The following NUP153 variants were observed in gnomAD, a reference collection of about 807,000 sequenced individuals.
NUP153 encodes the protein nuclear pore complex protein Nup153.
A neutral mutation model predicts 134.6 loss-of-function variants in NUP153; 27 were observed. The observed-to-expected ratio is 0.20, with a 90% confidence interval of 0.15 to 0.28. NUP153 has a LOEUF of 0.28. NUP153 is among the 10% of genes least tolerant of loss of function. NUP153 has a pLI of 1.00. For missense variants in NUP153, 1,821 were observed against 1,731.3 expected (o/e 1.05, Z -0.92); for synonymous variants, 640 against 623.5 (o/e 1.03, Z -0.40).
intron 1 of NUP153, among the ~76,000 whole-genome samples, chr6:17,701,282 C>T (rs1218051167): frequency 4.0e-5 from 6 of 151,442 alleles, no homozygotes. Flanking sequence ...ATAATCCCAG[C>T]ACTTTGAGAG....
chr6:17,640,427 A>T (rs1765778566), intron 14 of NUP153, among the ~76,000 whole-genome samples: 1 of 152,226 alleles, frequency 6.6e-6, no homozygotes, highest in Admixed American at 6.5e-5. Context: ...ACAATTTACA[A>T]AACTAATCAA....
Position 17,662,089 on chromosome 6 carries a change from C to A in NUP153, c.1216-19G>T, listed in dbSNP as rs754386049. ...ATCCAGTCTGCAGGGGAAATACACACATATTTACGTTTGCTTATTTGTTGT... is the reference window on the plus strand; with the variant it reads ...ATCCAGTCTGCAGGGGAAATACACAAATATTTACGTTTGCTTATTTGTTGT... On this transcript the variant is annotated intron_variant, in intron 9 of 21. Transcript: ENST00000262077. 40 of 1,605,966 alleles carry A rather than the reference C, an allele frequency of 2.5e-5. 1 individual carries two copies. In the South Asian group the frequency reaches 4.5e-4, roughly 18 times the overall value.
chr6:17,652,608 A>G (rs571843558), intron 11 of NUP153, among the ~76,000 whole-genome samples: 2 of 152,332 alleles, frequency 1.3e-5, no homozygotes, highest in Middle Eastern at 3.4e-3. Flanking sequence ...ACATCTGCCA[A>G]TCAAAAGATA....
intron 2 of NUP153, among the ~76,000 whole-genome samples, chr6:17,685,277 G>C (rs1192622049): frequency 1.3e-5 from 2 of 152,152 alleles, no homozygotes; most frequent in Non-Finnish European, 2.9e-5. Context: ...GTTGGGAGCG[G>C]TGGCTCACGC....
At chr6:17,639,889 A>G in intron 15 of NUP153, 50 bp downstream of exon 15, 1 of 1,521,120 alleles carries the variant, frequency 6.6e-7, no homozygotes, top group Non-Finnish European at 8.9e-7. Context: ...ATGACATTAA[A>G]TTGAGATCAT....
At chr6:17,656,210 TAAAC>T (rs778595340) in intron 11 of NUP153, among the ~76,000 whole-genome samples, 8 of 152,058 alleles carry the variant, frequency 5.3e-5, no homozygotes, top group East Asian at 1.9e-4. Context: ...GACAAATAAA[TAAAC>T]AAACAAACCA....
At chr6:17,635,235 G>A (rs913909029) in intron 16 of NUP153, among the ~76,000 whole-genome samples, 6 of 148,424 alleles carry the variant, frequency 4.0e-5, no homozygotes, top group Middle Eastern at 4.2e-3. Flanking sequence ...TCAGCCTCCC[G>A]AGTAGCTGGG....
chr6:17,670,039 T>G (rs1477699107), intron 5 of NUP153, among the ~76,000 whole-genome samples: 1 of 135,980 alleles, frequency 7.4e-6, no homozygotes, highest in Non-Finnish European at 1.5e-5. Flanking sequence ...GAGGTTGTGG[T>G]GAGCCGAGAC....
intron 1 of NUP153, among the ~76,000 whole-genome samples, chr6:17,698,737 CAA>C (rs57961707): frequency 7.1e-4 from 57 of 80,038 alleles, no homozygotes; most frequent in East Asian, 1.3e-3. Context: ...GACTCTGTCT[CAA>C]AAAAAAAAAA....
Position 17,638,460 on chromosome 6 carries a change from G to A in NUP153, c.1847-690C>T, listed in dbSNP as rs979929909. Among the ~76,000 whole-genome samples the A allele has an allele frequency of 6.6e-6, 1 of 152,188 alleles. No homozygotes were observed. Among genetic ancestry groups the A allele is most frequent in the African/African-American group, 2.4e-5 (1 of 41,450 alleles). Reference sequence around the variant, plus strand: ...GGAGAGAAGATGTAGAAGGTTATTAGAGGTTTTCTAGTTCCACAAAATAAT... The same window carrying A: ...GGAGAGAAGATGTAGAAGGTTATTAAAGGTTTTCTAGTTCCACAAAATAAT... On this transcript the variant is annotated intron_variant, in intron 15 of 21. Coordinates refer to ENST00000262077, the MANE Select transcript of NUP153 (RefSeq NM_005124.4). This position sits in a 1 kb window ranked among gnomAD's most constrained non-coding sequence, Gnocchi z 4.0.
chr6:17,657,391 A>T (rs1340460044), intron 11 of NUP153, among the ~76,000 whole-genome samples: 2 of 148,186 alleles, frequency 1.3e-5, no homozygotes, highest in African/African-American at 5.2e-5. Flanking sequence ...AAAATAAAAA[A>T]ATAAAAAAAT....
At position 17,625,359 on chromosome 6, in the gene NUP153, A is replaced by G. The variant is rs1764874837; in HGVS notation, c.3901+449T>C. Among the ~76,000 whole-genome samples the G allele has an allele frequency of 6.6e-6, 1 of 152,034 alleles. No homozygotes were observed. Among genetic ancestry groups the G allele is most frequent in the South Asian group, 2.1e-4 (1 of 4,822 alleles). On this transcript the variant is annotated intron_variant, in intron 19 of 21. Coordinates refer to ENST00000262077, the MANE Select transcript of NUP153 (RefSeq NM_005124.4). The surrounding 1 kb of genome is among the most constrained non-coding windows in gnomAD (Gnocchi z 4.7). ...AGCCTGGCCAACATGGTAAAACCCCATCTCTACTAAAAATACAAAAATTAG... is the reference window on the plus strand; with the variant it reads ...AGCCTGGCCAACATGGTAAAACCCCGTCTCTACTAAAAATACAAAAATTAG...
Position 17,627,649 on chromosome 6 carries a change from C to T in NUP153, c.3544+1006G>A, listed in dbSNP as rs900306385. Among the ~76,000 whole-genome samples the T allele has an allele frequency of 3.9e-5, 6 of 152,070 alleles. No individual in the cohort carries two copies. In the East Asian group the frequency reaches 7.7e-4, roughly 20 times the overall value. ...TAGTTGGGATTATAGGTGTGAGCTA[C>T]GGCACCCGGATTGTCTTTATATTTA... On this transcript the variant is annotated intron_variant, in intron 18 of 21. Transcript: ENST00000262077.
At chr6:17,694,805 C>G (rs973391567) in intron 1 of NUP153, among the ~76,000 whole-genome samples, 1 of 151,836 alleles carries the variant, frequency 6.6e-6, no homozygotes, top group Non-Finnish European at 1.5e-5. Flanking sequence ...AGTGAAACCC[C>G]GTCTCTACTA....
At chr6:17,678,417 T>TTAAGGAAGG (rs1390555621) in intron 2 of NUP153, among the ~76,000 whole-genome samples, 1 of 144,254 alleles carries the variant, frequency 6.9e-6, no homozygotes, top group Non-Finnish European at 1.5e-5. Context: ...GTTAAGGAAG[T>TTAAGGAAGG]AACAGTTTCT....
intron 1 of NUP153, among the ~76,000 whole-genome samples, chr6:17,699,191 T>A (rs1769877238): frequency 1.1e-4 from 1 of 9,228 alleles, no homozygotes; most frequent in Admixed American, 1.3e-3. Context: ...TACAAATAAT[T>A]TTTTTTTTTT....
chr6:17,681,453 C>A (rs554152459), intron 2 of NUP153, among the ~76,000 whole-genome samples: 1 of 152,036 alleles, frequency 6.6e-6, no homozygotes, highest in East Asian at 1.9e-4. Flanking sequence ...GGTGTGGTGG[C>A]GGGCGCCTGT....
intron 1 of NUP153, among the ~76,000 whole-genome samples, chr6:17,694,330 T>C (rs1161306506): frequency 6.6e-6 from 1 of 152,194 alleles, no homozygotes; most frequent in Admixed American, 6.5e-5. Flanking sequence ...TCCATTTATG[T>C]ACTGTTTTAC....
At chr6:17,652,651 G>A (rs1449388721) in intron 11 of NUP153, among the ~76,000 whole-genome samples, 3 of 152,056 alleles carry the variant, frequency 2.0e-5, no homozygotes, top group Non-Finnish European at 4.4e-5. Flanking sequence ...AGCAACACTG[G>A]GAAAAAAATA....
Sources: allele counts gnomAD v4.1 joint callset (sites outside exome capture counted in the v4.1 genomes callset), GRCh38; gene constraint gnomAD v4.1.1; non-coding constraint Gnocchi (gnomAD v3.1); transcripts MANE v1.5; gene names NCBI Gene and HGNC (gene_info 2026-07-23, HGNC 2026-07-21).